The following CACNA2D4 variants were observed in gnomAD, a reference collection of about 807,000 sequenced individuals.
The protein encoded by CACNA2D4 is calcium voltage-gated channel auxiliary subunit alpha2delta 4, also known as voltage-dependent calcium channel subunit alpha-2/delta-4.
CACNA2D4 carries 157 observed loss-of-function variants against 163.8 expected under a neutral mutation model. The ratio of observed to expected loss-of-function variants is 0.96; its 90% CI spans 0.84 to 1.09. CACNA2D4 has a LOEUF of 1.09. CACNA2D4 is among the 50% of genes least tolerant of loss of function. The probability of loss-of-function intolerance (pLI) is 0.00; values close to 1 mark genes in which losing one functional copy is unlikely to be tolerated. For missense variants in CACNA2D4, 1,410 were observed against 1,479.9 expected, an observed-to-expected ratio of 0.95 and a Z score of 0.78; for synonymous variants, 598 against 586.9, an observed-to-expected ratio of 1.02 and a Z score of -0.27.
rs986942746 is a variant in CACNA2D4, at chr12:1,802,344, A to G, written c.2722-700T>C. ...CAGAGTCATCTTACTCAAATGCAAC[A>G]TGGATGGGTCACTCTTGCCTTCATT... On this transcript the variant is annotated intron_variant, in intron 29 of 37. Transcript: ENST00000382722. This position sits in a 1 kb window ranked among gnomAD's most constrained non-coding sequence, Gnocchi z 4.7. 5.3e-5 allele frequency among the ~76,000 whole-genome samples: 8 copies of G among 152,266 alleles called. No homozygotes were observed. Among genetic ancestry groups the G allele is most frequent in the African/African-American group, 1.9e-4 (8 of 41,544 alleles).
intron 6 of CACNA2D4, among the ~76,000 whole-genome samples, chr12:1,888,174 T>G (rs1000084831): frequency 2.0e-5 from 3 of 152,140 alleles, no homozygotes; most frequent in African/African-American, 7.2e-5. Flanking sequence ...GAGGCCACAT[T>G]CTTACAGCAA....
chr12:1,880,470 T>C (rs1009948301), intron 13 of CACNA2D4, among the ~76,000 whole-genome samples: 1 of 152,250 alleles, frequency 6.6e-6, no homozygotes, highest in African/African-American at 2.4e-5. Context: ...GCCAAACCCT[T>C]GCCACCTCTA....
chr12:1,803,795 C>T (rs1003353702), intron 29 of CACNA2D4, among the ~76,000 whole-genome samples: 1 of 152,142 alleles, frequency 6.6e-6, no homozygotes, highest in Non-Finnish European at 1.5e-5. Flanking sequence ...GAAATGGACA[C>T]GAATCAAGAG....
chr12:1,870,871 C>G (rs1282570742), intron 18 of CACNA2D4, among the ~76,000 whole-genome samples: 1 of 152,130 alleles, frequency 6.6e-6, no homozygotes, highest in Non-Finnish European at 1.5e-5. Flanking sequence ...AATACACTGA[C>G]TCCTTCTGCC....
rs1034682572 is a variant in CACNA2D4 at position 1,810,273 on chromosome 12, C to T, written c.2721+5G>A. 1 of 1,611,072 alleles carries T rather than the reference C, an allele frequency of 6.2e-7. No homozygotes were observed. The highest frequency in any genetic ancestry group is 1.3e-5 in the African/African-American group (1 of 74,880). On this transcript the variant is annotated splice_donor_5th_base_variant and intron_variant, in intron 29 of 37. Coordinates refer to ENST00000382722, the MANE Select transcript of CACNA2D4 (RefSeq NM_172364.5). ...CCCCCTCATTCTATATCCCCAGTGACTCACCTCTCGGGACCTCTTGGAGAT... is the reference window on the plus strand; with the variant it reads ...CCCCCTCATTCTATATCCCCAGTGATTCACCTCTCGGGACCTCTTGGAGAT...
At chr12:1,845,771 G>T (rs968971267) in intron 24 of CACNA2D4, among the ~76,000 whole-genome samples, 2 of 152,196 alleles carry the variant, frequency 1.3e-5, no homozygotes, top group Non-Finnish European at 2.9e-5. Flanking sequence ...CTTAGAGCAG[G>T]GTTTCTCAGC....
intron 26 of CACNA2D4, among the ~76,000 whole-genome samples, chr12:1,823,080 TGAGGGGTATG>T (rs1487690304): frequency 5.9e-5 from 9 of 152,174 alleles, no homozygotes; most frequent in African/African-American, 2.2e-4. Context: ...TCTTCCATGC[TGAGGGGTATG>T]GACTCTTGAC....
intron 23 of CACNA2D4, among the ~76,000 whole-genome samples, chr12:1,847,552 G>C (rs563071758): frequency 6.6e-6 from 1 of 152,298 alleles, no homozygotes; most frequent in Non-Finnish European, 1.5e-5. Flanking sequence ...TGTAGCCAGG[G>C]GGCTTGTACA....
intron 1 of CACNA2D4, 43 bp from the exon 2 acceptor site, chr12:1,914,978 G>T (rs371458630): frequency 1.4e-6 from 2 of 1,410,964 alleles, no homozygotes; most frequent in Non-Finnish European, 2.0e-6. Context: ...ACACGTACAC[G>T]CACAAATACA....
chr12:1,896,652 C>CAA lies in CACNA2D4; in HGVS notation c.782-9584_782-9583insTT, dbSNP rs1184831451. 7.2e-4 allele frequency among the ~76,000 whole-genome samples: 84 copies of CAA among 117,278 alleles called. 1 individual carries two copies. The highest frequency in any genetic ancestry group is 1.9e-3 in the African/African-American group (61 of 31,990). The allele number at this position is 117,278 out of a possible 152,430, so 76.9% of individuals were successfully genotyped here. A position where few individuals can be genotyped will look rare whatever the true frequency, so the allele number is the denominator to read the frequency against. ...ACACACACACACACACACACACACA[C>CAA]ACAAAACAGATGCTAGCAAGGATGC... On this transcript the variant is annotated intron_variant, in intron 6 of 37. Coordinates refer to ENST00000382722, the MANE Select transcript of CACNA2D4 (RefSeq NM_172364.5).
At chr12:1,855,438 G>A (rs951107465) in intron 22 of CACNA2D4, among the ~76,000 whole-genome samples, 7 of 152,182 alleles carry the variant, frequency 4.6e-5, no homozygotes, top group African/African-American at 1.4e-4. Flanking sequence ...CTCACCACTC[G>A]CATTAGTGCA....
At chr12:1,848,661 T>C (rs920500390) in intron 23 of CACNA2D4, among the ~76,000 whole-genome samples, 11 of 152,076 alleles carry the variant, frequency 7.2e-5, no homozygotes, top group South Asian at 2.1e-4. Context: ...GAATAATGAG[T>C]TGCTTTCCTA....
At chr12:1,865,903 T>C (rs1456905052) in intron 18 of CACNA2D4, among the ~76,000 whole-genome samples, 1 of 152,252 alleles carries the variant, frequency 6.6e-6, no homozygotes, top group Non-Finnish European at 1.5e-5. Context: ...TTAGTTCTAG[T>C]GTTTGTTTTG....
chr12:1,803,942 G>A (rs1328581441), intron 29 of CACNA2D4, among the ~76,000 whole-genome samples: 1 of 152,174 alleles, frequency 6.6e-6, no homozygotes, highest in African/African-American at 2.4e-5. Context: ...GAAGGCAGTG[G>A]ACATGGCAGC....
chr12:1,862,495 C>T (rs1481753826), intron 18 of CACNA2D4, among the ~76,000 whole-genome samples: 1 of 152,152 alleles, frequency 6.6e-6, no homozygotes, highest in Non-Finnish European at 1.5e-5. Flanking sequence ...CTCACTGCAG[C>T]CTCAGCTTCC....
intron 29 of CACNA2D4, among the ~76,000 whole-genome samples, chr12:1,808,744 C>T (rs1163243421): frequency 1.3e-5 from 2 of 152,180 alleles, no homozygotes; most frequent in Non-Finnish European, 2.9e-5. Context: ...TCACCCAGGG[C>T]GAGAGGGGTC....
rs192394759 is a variant in CACNA2D4 at position 1,903,947 on chromosome 12, T to C, written c.781+3493A>G. ...ATGTTTACTGCAGCACTATTTACAA[T>C]AGCCAAGATTTGTAAACAATCTAAA... On this transcript the variant is annotated intron_variant, in intron 6 of 37. Transcript: ENST00000382722. 9.9e-5 allele frequency among the ~76,000 whole-genome samples: 15 copies of C among 152,212 alleles called. No homozygotes were observed. The East Asian group carries it at 2.5e-3, about 25-fold the overall frequency.
At chr12:1,912,590 G>C (rs530111561) in intron 3 of CACNA2D4, among the ~76,000 whole-genome samples, 12 of 152,280 alleles carry the variant, frequency 7.9e-5, no homozygotes, top group Admixed American at 7.8e-4. Context: ...AGAGGGGAGG[G>C]GGGAGCTTGG....
intron 6 of CACNA2D4, among the ~76,000 whole-genome samples, chr12:1,907,178 A>C (rs972929904): frequency 6.6e-6 from 1 of 152,264 alleles, no homozygotes; most frequent in African/African-American, 2.4e-5. Flanking sequence ...TTCATGGGAC[A>C]GGAGCTTCAT....
Sources: gnomAD v4.1 joint callset for allele counts (sites outside exome capture counted in the v4.1 genomes callset) on GRCh38, gnomAD v4.1.1 for gene constraint, Gnocchi (gnomAD v3.1) non-coding constraint, MANE v1.5 for transcripts, NCBI Gene and HGNC (gene_info 2026-07-23, HGNC 2026-07-21) for gene names.